BMP5: variants seen among roughly 807,000 people sequenced by gnomAD.
The protein encoded by BMP5 is bone morphogenetic protein 5.
In BMP5, 23 loss-of-function variants were observed where a neutral mutation model predicts 46.6. That is an observed-to-expected ratio of 0.49 (90% CI 0.35 to 0.70). The LOEUF (loss-of-function observed/expected upper bound fraction) is 0.70. Ranked by LOEUF, BMP5 falls within the 30% of genes least tolerant of loss-of-function variation. The pLI, the probability that BMP5 is intolerant of heterozygous loss-of-function variation, is 0.00. For synonymous variants in BMP5, 204 were observed against 191.9 expected, an observed-to-expected ratio of 1.06 and a Z score of -0.52; for missense variants, 545 against 565.6, an observed-to-expected ratio of 0.96 and a Z score of 0.37.
At chr6:55,759,142 CACAAAAAAAAAAAAAAA>C in intron 5 of BMP5, 27 bp from the exon 6 acceptor site, 5 of 119,560 alleles carry the variant, frequency 4.2e-5, no homozygotes, top group African/African-American at 1.8e-4. Flanking sequence ...CACACACACA[CACAAAAAAAAAAAAAAA>C]AAAAAAAAAA....
At chr6:55,823,702 C>G (rs552174451) in intron 1 of BMP5, among the ~76,000 whole-genome samples, 1 of 151,954 alleles carries the variant, frequency 6.6e-6, no homozygotes, top group South Asian at 2.1e-4. Flanking sequence ...TGTTTCAGTG[C>G]TTTCGTTATC....
chr6:55,770,244 G>A (rs1243670788), intron 4 of BMP5, among the ~76,000 whole-genome samples: 1 of 151,898 alleles, frequency 6.6e-6, no homozygotes, highest in Admixed American at 6.6e-5. Context: ...ACCTTCATCA[G>A]TGATCTTAGA....
intron 2 of BMP5, among the ~76,000 whole-genome samples, chr6:55,803,885 T>A (rs528538082): frequency 5.3e-5 from 8 of 152,310 alleles, no homozygotes; most frequent in Non-Finnish European, 1.0e-4. Flanking sequence ...CTAGTTCTTC[T>A]TTTTCTCTCC....
intron 3 of BMP5, among the ~76,000 whole-genome samples, chr6:55,791,960 A>G (rs1209374283): frequency 6.6e-6 from 1 of 152,214 alleles, no homozygotes; most frequent in Non-Finnish European, 1.5e-5. Flanking sequence ...ATTTCTGACG[A>G]TAAATGTACA....
chr6:55,800,046 G>A (rs1353012384), intron 2 of BMP5, among the ~76,000 whole-genome samples: 1 of 152,024 alleles, frequency 6.6e-6, no homozygotes, highest in African/African-American at 2.4e-5. Flanking sequence ...AAACACACAT[G>A]TATACACACA....
chr6:55,859,012 C>T lies in BMP5; in HGVS notation c.490+15364G>A, dbSNP rs111602674. Among the ~76,000 whole-genome samples, 641 of 152,110 alleles carry T rather than the reference C, an allele frequency of 4.2e-3. 6 individuals are homozygous for T. Among genetic ancestry groups the T allele is most frequent in the African/African-American group, 0.015 (610 of 41,520 alleles). The stretch of plus-strand genomic sequence containing the variant: ...GGGAGAGCATTAGGATAAATGCATG[C>T]GGGGCTTAAAACCTAGATGATAAGT... On this transcript the variant is annotated intron_variant, in intron 1 of 6. Transcript: ENST00000370830.
At chr6:55,782,871 A>G (rs1025101021) in intron 3 of BMP5, among the ~76,000 whole-genome samples, 1 of 152,122 alleles carries the variant, frequency 6.6e-6, no homozygotes, top group Non-Finnish European at 1.5e-5. Context: ...TCCTCTTAAA[A>G]TAAGGCTCAA....
At chr6:55,857,760 CAG>C (rs1276582275) in intron 1 of BMP5, among the ~76,000 whole-genome samples, 1 of 152,146 alleles carries the variant, frequency 6.6e-6, no homozygotes, top group African/African-American at 2.4e-5. Context: ...TTTTTTGAGA[CAG>C]AGTTTCACTT....
At chr6:55,828,863 GTATAA>G (rs1184849341) in intron 1 of BMP5, among the ~76,000 whole-genome samples, 2 of 151,608 alleles carry the variant, frequency 1.3e-5, no homozygotes, top group African/African-American at 2.4e-5. Context: ...TTTTAAATTG[GTATAA>G]TATAATAGAG....
intron 1 of BMP5, among the ~76,000 whole-genome samples, chr6:55,833,358 A>C (rs1262056268): frequency 1.3e-5 from 2 of 152,212 alleles, no homozygotes; most frequent in Non-Finnish European, 2.9e-5. Flanking sequence ...CAAATAAGGC[A>C]TGACTTTGAA....
At chr6:55,759,988 T>C (rs1455759475) in intron 5 of BMP5, among the ~76,000 whole-genome samples, 1 of 151,920 alleles carries the variant, frequency 6.6e-6, no homozygotes, top group Non-Finnish European at 1.5e-5. Flanking sequence ...TGGTGAAATT[T>C]TCCTCCTCAT....
At chr6:55,864,442 G>A (rs539920482) in intron 1 of BMP5, among the ~76,000 whole-genome samples, 4 of 152,152 alleles carry the variant, frequency 2.6e-5, no homozygotes, top group Non-Finnish European at 4.4e-5. Context: ...AATAAGTCCA[G>A]TCTCTCTTGT....
chr6:55,755,581 A>G lies in BMP5; in HGVS notation c.1317T>C (p.Ile439=), dbSNP rs369498609. ...VLYFDDSSNV[I]LKKYRNMVVR... is the part of the protein sequence containing the mutation. ...CTACCATATTTCTATATTTTTTCAA[A>G]ATGACATTGGAGCTGTCATCAAAGT... Residue 439 remains isoleucine, a synonymous_variant, in exon 7 of 7, where the codon ATT becomes ATC. Transcript: ENST00000370830. 1.9e-6 allele frequency: 3 copies of G among 1,611,852 alleles called. No individual in the cohort carries two copies. In the African/African-American group the frequency reaches 4.0e-5, roughly 22 times the overall value.
At chr6:55,787,717 T>C (rs1775481866) in intron 3 of BMP5, among the ~76,000 whole-genome samples, 1 of 151,634 alleles carries the variant, frequency 6.6e-6, no homozygotes, top group African/African-American at 2.4e-5. Flanking sequence ...CACAGCAACA[T>C]CCTGGGTAAT....
Position 55,874,745 on chromosome 6 carries a change from T to C in BMP5, c.121A>G (p.Arg41Gly). ...DNHVHSSFIY[R>G]RLRNHERREI... is the part of the protein sequence containing the mutation. Reference sequence around the variant, plus strand: ...CGTCTTTCGTGGTTCCGTAGTCTTCTATAAATAAAACTGGAGTGAACATGA... The same window carrying C: ...CGTCTTTCGTGGTTCCGTAGTCTTCCATAAATAAAACTGGAGTGAACATGA... Residue 41 changes from arginine to glycine, a missense_variant, in exon 1 of 7, where the codon AGA (arginine) becomes GGA (glycine). Coordinates refer to ENST00000370830, the MANE Select transcript of BMP5 (RefSeq NM_021073.4). The C allele has an allele frequency of 6.2e-7, 1 of 1,613,586 alleles. No individual in the cohort carries two copies. The highest frequency in any genetic ancestry group is 8.5e-7 in the Non-Finnish European group (1 of 1,179,694).
At chr6:55,868,849 CTGTT>C (rs1777712111) in intron 1 of BMP5, among the ~76,000 whole-genome samples, 1 of 152,132 alleles carries the variant, frequency 6.6e-6, no homozygotes, top group Admixed American at 6.6e-5. Context: ...AATAAATGAG[CTGTT>C]TGTCAGGGCT....
intron 1 of BMP5, among the ~76,000 whole-genome samples, chr6:55,856,057 CT>C (rs112930486): frequency 0.036 from 5,424 of 152,202 alleles, 321 homozygotes; most frequent in African/African-American, 0.12. Flanking sequence ...TTCACCCCAC[CT>C]TTAATCCCTG....
chr6:55,855,162 G>A (rs1009116554), intron 1 of BMP5, among the ~76,000 whole-genome samples: 2 of 152,034 alleles, frequency 1.3e-5, no homozygotes, highest in Non-Finnish European at 2.9e-5. Flanking sequence ...AATGAGGTGC[G>A]TGGGGCATGC....
intron 1 of BMP5, among the ~76,000 whole-genome samples, chr6:55,848,804 C>T (rs555785452): frequency 6.6e-6 from 1 of 152,056 alleles, no homozygotes; most frequent in Non-Finnish European, 1.5e-5. Flanking sequence ...AATCATTTTT[C>T]CCTTATCTCC....
Sources: gnomAD v4.1 joint callset for allele counts (sites outside exome capture counted in the v4.1 genomes callset) on GRCh38, gnomAD v4.1.1 for gene constraint, MANE v1.5 for transcripts, NCBI Gene and HGNC (gene_info 2026-07-23, HGNC 2026-07-21) for gene names.